STAC: variants seen among roughly 807,000 people sequenced by gnomAD.
STAC encodes SH3 and cysteine-rich domain-containing protein.
A neutral mutation model predicts 48.8 loss-of-function variants in STAC; 43 were observed. That is an observed-to-expected ratio of 0.88 (90% CI 0.69 to 1.14). STAC has a LOEUF of 1.14. Ranked by LOEUF, STAC falls within the 50% of genes most tolerant of loss-of-function variation. STAC has a pLI of 0.00. For synonymous variants in STAC, 193 were observed against 179.5 expected, an observed-to-expected ratio of 1.07 and a Z score of -0.60; for missense variants, 497 against 504.0, an observed-to-expected ratio of 0.99 and a Z score of 0.13.
intron 8 of STAC, among the ~76,000 whole-genome samples, chr3:36,523,442 C>A (rs1698852164): frequency 6.6e-6 from 1 of 152,156 alleles, no homozygotes. Context: ...GTAAGCAAAA[C>A]CTTTACCTGA....
intron 1 of STAC, among the ~76,000 whole-genome samples, chr3:36,411,204 A>G (rs780589078): frequency 6.6e-5 from 10 of 152,168 alleles, no homozygotes; most frequent in African/African-American, 9.7e-5. Context: ...ACTTCTTACC[A>G]TGTCCACTGC....
intron 5 of STAC, among the ~76,000 whole-genome samples, chr3:36,491,383 T>C (rs1373348939): frequency 2.0e-5 from 3 of 152,178 alleles, no homozygotes; most frequent in Non-Finnish European, 4.4e-5. Context: ...AGAAACCAAA[T>C]TCAAACAACA....
At chr3:36,470,053 AT>A (rs1241808768) in intron 2 of STAC, among the ~76,000 whole-genome samples, 2 of 151,796 alleles carry the variant, frequency 1.3e-5, no homozygotes, top group East Asian at 1.9e-4. Context: ...ATTGACCTGA[AT>A]TTTTTTTCTG....
chr3:36,477,887 G>C (rs577117815), intron 2 of STAC, among the ~76,000 whole-genome samples: 3 of 152,156 alleles, frequency 2.0e-5, no homozygotes, highest in Non-Finnish European at 2.9e-5. Context: ...ATCATTCCAA[G>C]GGATGACTTG....
rs115420579 is a variant in STAC, at chr3:36,425,883, T to C, written c.112-17481T>C. ...CTCTACCAAAAATACAAAAACGAAA[T>C]AGCAAGGAATGGTGATGTGTGCTTG... On this transcript the variant is annotated intron_variant, in intron 1 of 10. Transcript: ENST00000273183. Among the ~76,000 whole-genome samples the C allele has an allele frequency of 2.1e-3, 313 of 151,590 alleles. 3 individuals carry two copies. Among genetic ancestry groups the C allele is most frequent in the African/African-American group, 6.9e-3 (287 of 41,316 alleles).
At chr3:36,405,524 C>T (rs1008538879) in intron 1 of STAC, among the ~76,000 whole-genome samples, 1 of 152,080 alleles carries the variant, frequency 6.6e-6, no homozygotes, top group Non-Finnish European at 1.5e-5. Context: ...CTAGGGCTGT[C>T]GCTTGGCAGT....
intron 1 of STAC, among the ~76,000 whole-genome samples, chr3:36,382,778 A>T (rs1237003098): frequency 6.6e-6 from 1 of 152,204 alleles, no homozygotes; most frequent in Non-Finnish European, 1.5e-5. Flanking sequence ...GGCTCAATTC[A>T]TTCTATTCTA....
At chr3:36,461,560 C>G (rs1575215554) in intron 2 of STAC, among the ~76,000 whole-genome samples, 1 of 151,956 alleles carries the variant, frequency 6.6e-6, no homozygotes, top group Non-Finnish European at 1.5e-5. Context: ...AGATAATTTT[C>G]TAAGGTGATA....
At chr3:36,516,468 T>G (rs1261452662) in intron 8 of STAC, among the ~76,000 whole-genome samples, 1 of 152,222 alleles carries the variant, frequency 6.6e-6, no homozygotes, top group African/African-American at 2.4e-5. Context: ...TCTCCTTTGC[T>G]ACAGTTCCAG....
intron 4 of STAC, chr3:36,485,921 A>G: frequency 2.0e-6 from 1 of 492,858 alleles, no homozygotes; most frequent in Non-Finnish European, 3.6e-6. Context: ...GCAGAGTACT[A>G]GCTGGTACAT....
chr3:36,463,360 C>T (rs1270372474), intron 2 of STAC, among the ~76,000 whole-genome samples: 2 of 152,084 alleles, frequency 1.3e-5, no homozygotes, highest in African/African-American at 4.8e-5. Context: ...CCTCCTTGCA[C>T]CTTTGATGGA....
intron 2 of STAC, among the ~76,000 whole-genome samples, chr3:36,454,875 C>G (rs534434782): frequency 6.6e-6 from 1 of 152,188 alleles, no homozygotes; most frequent in Non-Finnish European, 1.5e-5. Context: ...CTGTCTCTCT[C>G]AAATTACAGC....
intron 10 of STAC, among the ~76,000 whole-genome samples, chr3:36,539,099 T>A (rs544103933): frequency 6.6e-6 from 1 of 152,352 alleles, no homozygotes; most frequent in African/African-American, 2.4e-5. Context: ...GAAGTTTCAA[T>A]TCAGTCTTTC....
chr3:36,497,584 C>T (rs1450682324), intron 6 of STAC, among the ~76,000 whole-genome samples: 1 of 152,042 alleles, frequency 6.6e-6, no homozygotes, highest in Non-Finnish European at 1.5e-5. Context: ...ATGAAAGACC[C>T]TTTTGAAACA....
At chr3:36,530,594 T>TTTTTTTTTTTTTTTTTTTC (rs1699041238) in intron 10 of STAC, among the ~76,000 whole-genome samples, 1 of 54,406 alleles carries the variant, frequency 1.8e-5, no homozygotes, top group African/African-American at 6.4e-5. Flanking sequence ...TTTTTTTTTC[T>TTTTTTTTTTTTTTTTTTTC]TTTTTTTTTT....
At chr3:36,385,376 A>G (rs1302822859) in intron 1 of STAC, among the ~76,000 whole-genome samples, 2 of 152,152 alleles carry the variant, frequency 1.3e-5, no homozygotes, top group African/African-American at 4.8e-5. Flanking sequence ...ATATTTGTAT[A>G]TGTTTCTGAT....
intron 2 of STAC, among the ~76,000 whole-genome samples, chr3:36,471,752 G>C (rs1160853799): frequency 6.6e-6 from 1 of 152,230 alleles, no homozygotes; most frequent in African/African-American, 2.4e-5. Flanking sequence ...GCTGATGCAA[G>C]AGGTGGGTTC....
chr3:36,508,967 A>G (rs894283163), intron 8 of STAC, among the ~76,000 whole-genome samples: 1 of 152,132 alleles, frequency 6.6e-6, no homozygotes, highest in African/African-American at 2.4e-5. Context: ...TTATGATGCT[A>G]GCTGGTTATT....
intron 10 of STAC, chr3:36,529,197 AACGAAACG>A: frequency 2.6e-6 from 1 of 380,530 alleles, no homozygotes; most frequent in South Asian, 7.0e-5. Context: ...CCTGTTCATA[AACGAAACG>A]TGATAGTGGC....
Sources: allele counts gnomAD v4.1 joint callset (sites outside exome capture counted in the v4.1 genomes callset), GRCh38; gene constraint gnomAD v4.1.1; transcripts MANE v1.5; gene names NCBI Gene and HGNC (gene_info 2026-07-23, HGNC 2026-07-21).